IQUB: variants seen among roughly 807,000 people sequenced by gnomAD.
IQUB encodes IQ motif and ubiquitin domain containing, also known as IQ motif and ubiquitin-like domain-containing protein.
Under a neutral mutation model 86.4 loss-of-function variants are expected in IQUB, and 86 were observed. The observed-to-expected ratio is 1.00, with a 90% CI of 0.84 to 1.19. IQUB has a LOEUF of 1.19. Among genes scored for constraint, IQUB ranks in the 50% most tolerant of loss-of-function variants. IQUB has a pLI of 0.00. For missense variants in IQUB, 946 were observed against 916.9 expected, an observed-to-expected ratio of 1.03 and a Z score of -0.41; for synonymous variants, 289 against 304.5, an observed-to-expected ratio of 0.95 and a Z score of 0.53.
intron 1 of IQUB, among the ~76,000 whole-genome samples, chr7:123,519,436 T>C (rs1488874039): frequency 2.0e-5 from 3 of 152,190 alleles, no homozygotes; most frequent in Non-Finnish European, 4.4e-5. Flanking sequence ...AAATGTGGCA[T>C]GTATACACAC....
chr7:123,522,078 T>C (rs1161184743), intron 1 of IQUB, among the ~76,000 whole-genome samples: 1 of 152,006 alleles, frequency 6.6e-6, no homozygotes. Context: ...GTGACAAAAA[T>C]GCAAGGCCAT....
At chr7:123,459,758 C>T (rs1793897508) in intron 11 of IQUB, 1 of 151,642 alleles carries the variant, frequency 6.6e-6, no homozygotes, top group Non-Finnish European at 1.5e-5. Context: ...CATTAAAGCC[C>T]TAGTACATCT....
intron 6 of IQUB, among the ~76,000 whole-genome samples, chr7:123,499,377 T>A (rs1377144854): frequency 2.0e-5 from 3 of 152,170 alleles, no homozygotes; most frequent in African/African-American, 7.2e-5. Flanking sequence ...CCCAAAGTAC[T>A]GGGATTACAA....
At chr7:123,522,095 T>C (rs79917836) in intron 1 of IQUB, among the ~76,000 whole-genome samples, 2,533 of 152,206 alleles carry the variant, frequency 0.017, 58 homozygotes, top group African/African-American at 0.058. Context: ...CCATGACCAC[T>C]GTTTACCCAG....
intron 7 of IQUB, among the ~76,000 whole-genome samples, chr7:123,488,205 G>A (rs1334310624): frequency 6.6e-6 from 1 of 151,950 alleles, no homozygotes; most frequent in Non-Finnish European, 1.5e-5. Flanking sequence ...TCCGGGCGCG[G>A]TGGCCGGCGC....
In IQUB at chr7:123,523,891, G is replaced by A. The variant is rs1356414399; in HGVS notation, c.-5+10601C>T. On this transcript the variant is annotated intron_variant, in intron 1 of 12. Transcript: ENST00000324698. ...GAATTGATTTTTGTATAACGTGTAA[G>A]GAAGGGATCCAGTTTCAGCTTTCTC... Among the ~76,000 whole-genome samples, 3 of 152,220 alleles carry A rather than the reference G, an allele frequency of 2.0e-5. No homozygotes were observed. In the East Asian group the frequency reaches 5.8e-4, roughly 29 times the overall value.
At chr7:123,516,115 T>G (rs964197128) in intron 1 of IQUB, among the ~76,000 whole-genome samples, 2 of 150,944 alleles carry the variant, frequency 1.3e-5, no homozygotes, top group South Asian at 4.2e-4. Context: ...CAATTAATGC[T>G]CCTTTCAGTA....
Position 123,512,220 on chromosome 7 carries a change from G to C in IQUB, c.121C>G (p.Gln41Glu), listed in dbSNP as rs137881472. Residue 41 changes from glutamine (Q) to glutamate (E), a missense_variant, in exon 2 of 13, where the codon CAA becomes GAA. Transcript: ENST00000324698. ...ATTCCAGATTCATGCTCTTCAGTTT[G>C]ATCTGACTCTTGAGGCTCTTCTGAG... ...VPSEEPQESD[Q>E]TEEHESGIEQ... 32 of 1,613,624 alleles carry C rather than the reference G, an allele frequency of 2.0e-5. No homozygotes were observed. The African/African-American group carries it at 3.2e-4, about 16-fold the overall frequency.
chr7:123,467,946 C>T (rs1563433378), intron 9 of IQUB, among the ~76,000 whole-genome samples: 2 of 152,198 alleles, frequency 1.3e-5, no homozygotes, highest in South Asian at 2.1e-4. Flanking sequence ...GCCTAAGCTC[C>T]GCAGGCCAAG....
chr7:123,509,754 T>C, intron 3 of IQUB, 147 bp downstream of exon 3: 1 of 678,348 alleles, frequency 1.5e-6, no homozygotes, highest in Non-Finnish European at 2.5e-6. Context: ...ATGTCCTTAC[T>C]AAATATGTAT....
chr7:123,461,450 T>C lies in IQUB; in HGVS notation c.1914A>G (p.Arg638=). Residue 638 remains arginine (R), a synonymous_variant, in exon 11 of 13, where the codon CGA becomes CGG. Transcript: ENST00000324698. The stretch of plus-strand genomic sequence containing the variant: ...AACATTTGTACTTCAAAAATGATTC[T>C]CGTTTTTGAGCCTCATTCTGAAGGT... ...CINLQNEAQK[R]ESFLKYKCLL... 6.2e-7 allele frequency: 1 copy of C among 1,612,388 alleles called. No individual in the cohort carries two copies. Among genetic ancestry groups the C allele is most frequent in the Non-Finnish European group, 8.5e-7 (1 of 1,178,874 alleles).
chr7:123,462,601 A>C (rs1794047584), intron 10 of IQUB: 1 of 202,146 alleles, frequency 4.9e-6, no homozygotes, highest in African/African-American at 2.3e-5. Flanking sequence ...TCGAGAGAAA[A>C]GAAGAGTGAT....
At chr7:123,529,591 A>T (rs749282995) in intron 1 of IQUB, among the ~76,000 whole-genome samples, 1 of 151,322 alleles carries the variant, frequency 6.6e-6, no homozygotes, top group Non-Finnish European at 1.5e-5. Context: ...ATCTATATTA[A>T]TTTTTAAATT....
chr7:123,504,177 T>C, intron 3 of IQUB, among the ~76,000 whole-genome samples: 1 of 152,154 alleles, frequency 6.6e-6, no homozygotes, highest in Non-Finnish European at 1.5e-5. Context: ...AGGCCACACA[T>C]GGCGGTTCAT....
rs538109934 is a variant in IQUB at position 123,512,238 on chromosome 7, C to T, written c.103G>A (p.Glu35Lys). 3 of 1,613,880 alleles carry T rather than the reference C, an allele frequency of 1.9e-6. No individual in the cohort carries two copies. Among genetic ancestry groups the T allele is most frequent in the Admixed American group, 1.7e-5 (1 of 60,006 alleles). Residue 35 changes from glutamate to lysine, a missense_variant, in exon 2 of 13, where the codon GAG (glutamate) becomes AAG (lysine). Physicochemically the swap from Glu to Lys is moderately conservative, Grantham distance 56 (BLOSUM62 1). Transcript: ENST00000324698. Reference protein sequence around the residue: ...DTVTIPVPSEEPQESDQTEEH... With the variant: ...DTVTIPVPSEKPQESDQTEEH... Reference sequence around the variant, plus strand: ...TCAGTTTGATCTGACTCTTGAGGCTCTTCTGAGGGAACTGGAATAGTGACA... The same window carrying T: ...TCAGTTTGATCTGACTCTTGAGGCTTTTCTGAGGGAACTGGAATAGTGACA...
intron 8 of IQUB, among the ~76,000 whole-genome samples, chr7:123,470,801 A>C (rs911070746): frequency 4.6e-5 from 7 of 151,830 alleles, no homozygotes; most frequent in African/African-American, 1.7e-4. Context: ...CAGTGAGCCG[A>C]GATCGCGCCA....
chr7:123,494,504 T>C (rs1795626864), intron 7 of IQUB, among the ~76,000 whole-genome samples: 1 of 152,088 alleles, frequency 6.6e-6, no homozygotes. Context: ...AAATTATTAT[T>C]CCAAGGCTTT....
Position 123,503,250 on chromosome 7 carries a change from C to A in IQUB, c.646G>T (p.Asp216Tyr). Residue 216 changes from aspartate (D) to tyrosine (Y), a missense_variant, in exon 4 of 13, where the codon GAT (aspartate) becomes TAT (tyrosine). By Grantham distance (160) the Asp-to-Tyr change is radical. Coordinates refer to ENST00000324698, the MANE Select transcript of IQUB (RefSeq NM_178827.5). ...NPDLYPVRRI[D>Y]GLTDVSQIIT... ...ATTTGAGAGACATCAGTTAATCCAT[C>A]TATTCTTCTGACTGGATACAGATCT... 2 of 1,612,248 alleles carry A rather than the reference C, an allele frequency of 1.2e-6. No homozygotes were observed. Among genetic ancestry groups the A allele is most frequent in the Non-Finnish European group, 1.7e-6 (2 of 1,178,736 alleles).
chr7:123,462,785 T>G (rs934340954), intron 10 of IQUB: 1 of 454,368 alleles, frequency 2.2e-6, no homozygotes, highest in Non-Finnish European at 4.4e-6. Flanking sequence ...GTCTCCATTA[T>G]AGATGGAGCA....
Sources: gnomAD v4.1 joint callset for allele counts (sites outside exome capture counted in the v4.1 genomes callset) on GRCh38, gnomAD v4.1.1 for gene constraint, MANE v1.5 for transcripts, NCBI Gene and HGNC (gene_info 2026-07-23, HGNC 2026-07-21) for gene names.